BABAM2: variants seen among roughly 807,000 people sequenced by gnomAD.
BABAM2 encodes BRISC and BRCA1 A complex member 2.
Under a neutral mutation model 54.7 loss-of-function variants are expected in BABAM2, and 31 were observed. The ratio of observed to expected loss-of-function variants is 0.57; its 90% CI spans 0.43 to 0.77. BABAM2 has a LOEUF of 0.77. BABAM2 is among the 30% of genes least tolerant of loss of function. BABAM2 has a pLI of 0.00. For synonymous variants in BABAM2, 167 were observed against 162.9 expected (o/e 1.03, Z -0.19); for missense variants, 364 against 455.8 (o/e 0.80, Z 1.83).
intron 10 of BABAM2, among the ~76,000 whole-genome samples, chr2:28,275,870 G>C (rs1024729664): frequency 2.0e-5 from 3 of 152,098 alleles, no homozygotes; most frequent in Non-Finnish European, 2.9e-5. Flanking sequence ...TGCGCTGTTA[G>C]AAATAGTTTT....
chr2:28,177,544 A>G (rs1675139132), intron 7 of BABAM2, among the ~76,000 whole-genome samples: 1 of 151,968 alleles, frequency 6.6e-6, no homozygotes, highest in Non-Finnish European at 1.5e-5. Flanking sequence ...AAATTACCAA[A>G]CTGCAATGAT....
At chr2:27,948,531 G>C (rs1167792900) in intron 3 of BABAM2, among the ~76,000 whole-genome samples, 1 of 152,216 alleles carries the variant, frequency 6.6e-6, no homozygotes, top group Non-Finnish European at 1.5e-5. Context: ...AGTACTTTGG[G>C]AGGCCGAGGT....
intron 6 of BABAM2, among the ~76,000 whole-genome samples, chr2:28,087,999 C>T (rs1028979031): frequency 6.6e-6 from 1 of 152,112 alleles, no homozygotes; most frequent in Non-Finnish European, 1.5e-5. Flanking sequence ...TTTAATCTGT[C>T]ATCTCAACCA....
intron 6 of BABAM2, among the ~76,000 whole-genome samples, chr2:28,049,285 T>C (rs1278590522): frequency 6.6e-6 from 1 of 152,198 alleles, no homozygotes; most frequent in African/African-American, 2.4e-5. Flanking sequence ...GAGGGTTAAA[T>C]AGCAACTATT....
chr2:28,101,555 GTGAATTACAGGGCCTCACCTGTGGT>G (rs1161732169), intron 6 of BABAM2, among the ~76,000 whole-genome samples: 3 of 152,160 alleles, frequency 2.0e-5, no homozygotes, highest in African/African-American at 7.2e-5. Context: ...TTTCCAAGCT[GTGAATTACAGGGCCTCACCTGTGGT>G]TGTCCTATCC....
At chr2:27,906,735 A>G (rs972017027) in intron 2 of BABAM2, among the ~76,000 whole-genome samples, 1 of 152,168 alleles carries the variant, frequency 6.6e-6, no homozygotes, top group Admixed American at 6.5e-5. Context: ...GGAGGTAGCC[A>G]GTCTAATGTG....
intron 6 of BABAM2, among the ~76,000 whole-genome samples, chr2:28,116,747 T>C (rs191891255): frequency 5.1e-4 from 77 of 152,352 alleles, no homozygotes; most frequent in Admixed American, 4.0e-3. Flanking sequence ...AACTAACTTA[T>C]TGAGCACCTT....
intron 4 of BABAM2, among the ~76,000 whole-genome samples, chr2:28,020,248 A>G (rs1275908446): frequency 6.6e-6 from 1 of 152,210 alleles, no homozygotes; most frequent in Non-Finnish European, 1.5e-5. Context: ...TAAATGACAA[A>G]TGGAATTTCT....
At chr2:28,039,503 G>A (rs183589129) in intron 5 of BABAM2, among the ~76,000 whole-genome samples, 1 of 152,346 alleles carries the variant, frequency 6.6e-6, no homozygotes, top group East Asian at 1.9e-4. Context: ...AGCCTTACCA[G>A]TTTGTCACCC....
intron 10 of BABAM2, among the ~76,000 whole-genome samples, chr2:28,268,676 G>C (rs1329276781): frequency 6.6e-6 from 1 of 152,218 alleles, no homozygotes; most frequent in Non-Finnish European, 1.5e-5. Flanking sequence ...CTGTGGAGTT[G>C]ACCCACACTG....
At chr2:28,238,053 T>C (rs936055869) in intron 8 of BABAM2, among the ~76,000 whole-genome samples, 1 of 152,166 alleles carries the variant, frequency 6.6e-6, no homozygotes, top group African/African-American at 2.4e-5. Context: ...GTTCACCATG[T>C]TGGCCAGGCT....
intron 2 of BABAM2, among the ~76,000 whole-genome samples, chr2:27,916,354 C>G (rs1033665570): frequency 7.2e-5 from 11 of 152,294 alleles, no homozygotes; most frequent in Middle Eastern, 6.8e-3. Context: ...TATAAAATAA[C>G]ACTGTACATT....
intron 3 of BABAM2, among the ~76,000 whole-genome samples, chr2:27,977,527 T>G (rs1300329343): frequency 6.6e-6 from 1 of 152,198 alleles, no homozygotes; most frequent in Non-Finnish European, 1.5e-5. Flanking sequence ...GGCTTTTAGT[T>G]AATAAGAAGC....
At chr2:28,259,731 G>A (rs1684324322) in intron 10 of BABAM2, among the ~76,000 whole-genome samples, 1 of 151,874 alleles carries the variant, frequency 6.6e-6, no homozygotes, top group Non-Finnish European at 1.5e-5. Context: ...CTAAAATGTA[G>A]GTCTGTGTTC....
At chr2:27,976,710 A>T (rs1300915340) in intron 3 of BABAM2, among the ~76,000 whole-genome samples, 1 of 152,202 alleles carries the variant, frequency 6.6e-6, no homozygotes, top group African/African-American at 2.4e-5. Flanking sequence ...ACTGTGTATA[A>T]AGTTAAAAAA....
intron 6 of BABAM2, among the ~76,000 whole-genome samples, chr2:28,105,940 CTT>C (rs376801082): frequency 3.5e-5 from 5 of 141,764 alleles, no homozygotes; most frequent in Non-Finnish European, 3.1e-5. Context: ...CAGCTCCTGT[CTT>C]TTTTTTTTTT....
chr2:28,293,526 C>T (rs1379561413), intron 10 of BABAM2, among the ~76,000 whole-genome samples: 1 of 152,226 alleles, frequency 6.6e-6, no homozygotes, highest in African/African-American at 2.4e-5. Context: ...GCACCACAAG[C>T]TCTGGGACTG....
At chr2:28,018,872 G>A (rs1403951759) in intron 4 of BABAM2, among the ~76,000 whole-genome samples, 1 of 152,132 alleles carries the variant, frequency 6.6e-6, no homozygotes, top group Non-Finnish European at 1.5e-5. Context: ...TGGGATACAT[G>A]TGCAGGACGT....
intron 6 of BABAM2, among the ~76,000 whole-genome samples, chr2:28,058,267 A>G (rs1439575929): frequency 6.6e-6 from 1 of 152,174 alleles, no homozygotes; most frequent in African/African-American, 2.4e-5. Context: ...AAGTAGTGGG[A>G]GATAAGAAAG....
Sources: gnomAD v4.1 joint callset for allele counts (sites outside exome capture counted in the v4.1 genomes callset) on GRCh38, gnomAD v4.1.1 for gene constraint, MANE v1.5 for transcripts, NCBI Gene and HGNC (gene_info 2026-07-23, HGNC 2026-07-21) for gene names.